IGSF21: variants seen among roughly 807,000 people sequenced by gnomAD.
IGSF21 encodes the protein immunoglobulin superfamily member 21.
IGSF21 carries 28 observed loss-of-function variants against 46.8 expected under a neutral mutation model. That is an observed-to-expected ratio of 0.60 (90% CI 0.44 to 0.82). The LOEUF is 0.82. Among genes scored for constraint, IGSF21 ranks in the 40% least tolerant of loss-of-function variants. IGSF21 has a pLI of 0.00. For synonymous variants in IGSF21, 284 were observed against 273.6 expected, an observed-to-expected ratio of 1.04 and a Z score of -0.38; for missense variants, 624 against 665.5, an observed-to-expected ratio of 0.94 and a Z score of 0.69.
intron 4 of IGSF21, among the ~76,000 whole-genome samples, chr1:18,340,591 C>A (rs745378446): frequency 6.6e-6 from 1 of 152,178 alleles, no homozygotes; most frequent in Non-Finnish European, 1.5e-5. Context: ...AAACTAGTTT[C>A]TGGGGCTTCC....
intron 2 of IGSF21, among the ~76,000 whole-genome samples, chr1:18,274,414 C>A (rs1198905668): frequency 6.6e-6 from 1 of 152,222 alleles, no homozygotes; most frequent in Non-Finnish European, 1.5e-5. Flanking sequence ...AAAGAATGAG[C>A]CAGAATCAGA....
At chr1:18,127,912 A>G (rs2086287243) in intron 1 of IGSF21, among the ~76,000 whole-genome samples, 1 of 152,046 alleles carries the variant, frequency 6.6e-6, no homozygotes, top group African/African-American at 2.4e-5. Flanking sequence ...CTGTCTTCTA[A>G]AAACAAATGG....
intron 2 of IGSF21, among the ~76,000 whole-genome samples, chr1:18,246,053 A>T (rs2084780212): frequency 6.6e-6 from 1 of 152,082 alleles, no homozygotes; most frequent in South Asian, 2.1e-4. Context: ...CAGCTCTCTG[A>T]CCTTCTTTTT....
intron 1 of IGSF21, among the ~76,000 whole-genome samples, chr1:18,182,679 A>G (rs1321203794): frequency 6.6e-6 from 1 of 152,214 alleles, no homozygotes; most frequent in Admixed American, 6.5e-5. Flanking sequence ...TGGATGAATG[A>G]ATGAATGAAA....
intron 1 of IGSF21, among the ~76,000 whole-genome samples, chr1:18,189,622 A>G (rs545826275): frequency 6.6e-6 from 1 of 151,848 alleles, no homozygotes; most frequent in South Asian, 2.1e-4. Context: ...GTGACAGATC[A>G]TCAGGCATTA....
intron 1 of IGSF21, among the ~76,000 whole-genome samples, chr1:18,208,788 G>A (rs2124488761): frequency 6.6e-6 from 1 of 152,202 alleles, no homozygotes; most frequent in East Asian, 1.9e-4. Context: ...GAAGGAATAA[G>A]TGGATTGCAA....
chr1:18,292,047 G>A (rs1362251251), intron 3 of IGSF21, 60 bp downstream of exon 3: 5 of 1,551,892 alleles, frequency 3.2e-6, no homozygotes, highest in Non-Finnish European at 3.5e-6. Context: ...GGGGAGTGGG[G>A]CAGAGGGCAG....
intron 6 of IGSF21, 79 bp from the exon 7 acceptor site, chr1:18,376,231 C>A: frequency 1.0e-6 from 1 of 979,840 alleles, no homozygotes; most frequent in Non-Finnish European, 1.7e-6. Flanking sequence ...ATGTTGATTG[C>A]TAGACTAGAA....
At chr1:18,314,285 G>T (rs1020331034) in intron 3 of IGSF21, among the ~76,000 whole-genome samples, 2 of 125,444 alleles carry the variant, frequency 1.6e-5, no homozygotes, top group African/African-American at 2.5e-5. Flanking sequence ...TAGCCCAGTG[G>T]TTTTTTTTTT....
In IGSF21 at chr1:18,214,446, C is replaced by T. The variant is rs539707379; in HGVS notation, c.71-13452C>T. Among the ~76,000 whole-genome samples, 9 of 152,248 alleles carry T rather than the reference C, an allele frequency of 5.9e-5. No homozygotes were observed. In the East Asian group the frequency reaches 1.5e-3, roughly 26 times the overall value. On this transcript the variant is annotated intron_variant, in intron 1 of 9. Transcript: ENST00000251296. ...AATTTAGGATGGGAAATCTATAGCT[C>T]AATAAGGCAAAAAGTATCCAGCCGC...
rs139975215 is a variant in IGSF21, at chr1:18,156,131, A to G, written c.70+47933A>G. Among the ~76,000 whole-genome samples, 1,002 of 152,192 alleles carry G rather than the reference A, an allele frequency of 6.6e-3. 4 individuals are homozygous for G. The highest frequency in any genetic ancestry group is 0.044 in the Middle Eastern group (13 of 294). ...CGGGGAGGGCCTGGGCTTCACCTGG[A>G]CTTGTGTAGCCCTAGAGGAACATTC... On this transcript the variant is annotated intron_variant, in intron 1 of 9. Coordinates refer to ENST00000251296, the MANE Select transcript of IGSF21 (RefSeq NM_032880.5).
At chr1:18,235,609 C>A (rs1044925939) in intron 2 of IGSF21, among the ~76,000 whole-genome samples, 1 of 152,136 alleles carries the variant, frequency 6.6e-6, no homozygotes. Flanking sequence ...GTTCAAATAA[C>A]AGAAAGTGCA....
intron 8 of IGSF21, 63 bp from the exon 9 acceptor site, chr1:18,377,330 A>G (rs1293329867): frequency 4.8e-6 from 7 of 1,446,604 alleles, no homozygotes; most frequent in Non-Finnish European, 6.8e-6. Flanking sequence ...GTAAAGGGCC[A>G]TTCCTTCCCT....
At chr1:18,151,710 ATCC>A (rs2124434548) in intron 1 of IGSF21, among the ~76,000 whole-genome samples, 1 of 151,908 alleles carries the variant, frequency 6.6e-6, no homozygotes, top group African/African-American at 2.4e-5. Context: ...TGACTCACAC[ATCC>A]TCCTTAACTG....
At chr1:18,300,781 T>G (rs74056597) in intron 3 of IGSF21, among the ~76,000 whole-genome samples, 3,626 of 152,232 alleles carry the variant, frequency 0.024, 168 homozygotes, top group African/African-American at 0.082. Flanking sequence ...GAAGTTCCAC[T>G]GGACCCAATC....
intron 1 of IGSF21, chr1:18,113,034 G>C (rs1357562711): frequency 1.3e-5 from 2 of 152,200 alleles, no homozygotes; most frequent in Admixed American, 6.5e-5. Flanking sequence ...AATAAAAGGA[G>C]GTTCAGGATC....
Position 18,335,107 on chromosome 1 carries a change from T to C in IGSF21, c.424+97T>C, listed in dbSNP as rs113890200. ...CACAGAGTGGCCATCCTGGGGGCCA[T>C]CCACCAGAAGTTCTGTTGTGCTGGT... On this transcript the variant is annotated intron_variant, in intron 4 of 9. Transcript: ENST00000251296. The surrounding 1 kb of genome is among the most constrained non-coding windows in gnomAD (Gnocchi z 4.8). The C allele has an allele frequency of 1.3e-3, 1,221 of 925,812 alleles. 8 individuals carry two copies. In the African/African-American group the frequency reaches 0.017, roughly 13 times the overall value. 57.3% of individuals were successfully genotyped at this position (925,812 alleles called of 1,614,324 possible).
In IGSF21 at chr1:18,172,736, C is replaced by T. The variant is rs574720517; in HGVS notation, c.71-55162C>T. On this transcript the variant is annotated intron_variant, in intron 1 of 9. Coordinates refer to ENST00000251296, the MANE Select transcript of IGSF21 (RefSeq NM_032880.5). ...GGGGGTTAGGGCTTCAACATATGAA[C>T]TTGGGAAGACACAATTCAGTCCATA... 5.8e-4 allele frequency among the ~76,000 whole-genome samples: 89 copies of T among 152,296 alleles called. 1 individual carries two copies. The highest frequency in any genetic ancestry group is 1.8e-3 in the African/African-American group (75 of 41,566).
intron 1 of IGSF21, among the ~76,000 whole-genome samples, chr1:18,161,001 G>T (rs1367255899): frequency 2.0e-5 from 3 of 152,104 alleles, no homozygotes; most frequent in Non-Finnish European, 4.4e-5. Context: ...ATGGGTGCAG[G>T]GGACCAACTG....
Sources: allele counts gnomAD v4.1 joint callset (sites outside exome capture counted in the v4.1 genomes callset), GRCh38; gene constraint gnomAD v4.1.1; non-coding constraint Gnocchi (gnomAD v3.1); transcripts MANE v1.5; gene names NCBI Gene and HGNC (gene_info 2026-07-23, HGNC 2026-07-21).